Variants in SYT1 observed in about 807,000 individuals in gnomAD.
SYT1 encodes synaptotagmin-1.
Under a neutral mutation model 44.8 loss-of-function variants are expected in SYT1, and 8 were observed. The observed-to-expected ratio is 0.18, with a 90% confidence interval of 0.10 to 0.32. The LOEUF (loss-of-function observed/expected upper bound fraction) is 0.32, where lower values mean the gene tolerates loss of function less well. SYT1 is among the 10% of genes least tolerant of loss of function. The probability of loss-of-function intolerance (pLI) is 1.00; values close to 1 mark genes in which losing one functional copy is unlikely to be tolerated. For missense variants in SYT1, 286 were observed against 509.3 expected, an observed-to-expected ratio of 0.56 and a Z score of 4.22; for synonymous variants, 154 against 188.8, an observed-to-expected ratio of 0.82 and a Z score of 1.51.
At chr12:79,347,175 A>G (rs956290232) in intron 8 of SYT1, among the ~76,000 whole-genome samples, 1 of 152,002 alleles carries the variant, frequency 6.6e-6, no homozygotes, top group African/African-American at 2.4e-5. Flanking sequence ...AATATAGCTC[A>G]CAGAGAAATA....
intron 9 of SYT1, among the ~76,000 whole-genome samples, chr12:79,417,585 C>G (rs1868826441): frequency 6.6e-6 from 1 of 152,162 alleles, no homozygotes; most frequent in Non-Finnish European, 1.5e-5. Flanking sequence ...TAATTAGCTT[C>G]TCACTACCTT....
At chr12:78,965,646 C>T (rs893494041) in intron 1 of SYT1, among the ~76,000 whole-genome samples, 23 of 152,094 alleles carry the variant, frequency 1.5e-4, no homozygotes, top group African/African-American at 5.6e-4. Flanking sequence ...GGGGCTCAGC[C>T]ACTTGCCAAC....
At chr12:79,098,627 T>C (rs2138038813) in intron 3 of SYT1, among the ~76,000 whole-genome samples, 1 of 152,256 alleles carries the variant, frequency 6.6e-6, no homozygotes, top group South Asian at 2.1e-4. Flanking sequence ...AAACATTTAA[T>C]GTTCTGGTTA....
At chr12:79,430,796 C>A (rs1869732476) in intron 9 of SYT1, among the ~76,000 whole-genome samples, 1 of 152,102 alleles carries the variant, frequency 6.6e-6, no homozygotes, top group African/African-American at 2.4e-5. Flanking sequence ...CAAGACTAAA[C>A]AAAACAACAA....
intron 3 of SYT1, among the ~76,000 whole-genome samples, chr12:79,197,811 C>T (rs1873551817): frequency 6.6e-6 from 1 of 152,044 alleles, no homozygotes. Flanking sequence ...CAGAAATGTT[C>T]TAGAGTGACT....
At chr12:79,248,176 T>C (rs1245818) in intron 4 of SYT1, among the ~76,000 whole-genome samples, 117,145 of 152,146 alleles carry the variant, frequency 0.77, 46,116 homozygotes, top group African/African-American at 0.94. Flanking sequence ...GAAAAAAATA[T>C]TTTAAGTGAA....
intron 3 of SYT1, among the ~76,000 whole-genome samples, chr12:79,168,965 T>A (rs1167674366): frequency 6.6e-6 from 1 of 151,996 alleles, no homozygotes; most frequent in Admixed American, 6.6e-5. Context: ...TGAGCAGCAA[T>A]TTTCCCTGTT....
chr12:78,939,233 A>T (rs1290344998), intron 1 of SYT1, among the ~76,000 whole-genome samples: 3 of 152,200 alleles, frequency 2.0e-5, no homozygotes, highest in Non-Finnish European at 2.9e-5. Context: ...GCAAATGTGG[A>T]CTATGAGTTA....
At chr12:79,179,239 T>TATAGATATAGATAC in intron 3 of SYT1, among the ~76,000 whole-genome samples, 1 of 73,184 alleles carries the variant, frequency 1.4e-5, no homozygotes, top group Non-Finnish European at 2.0e-5. Context: ...GATATAGATA[T>TATAGATATAGATAC]ATAGATATAG....
chr12:78,933,144 A>G (rs1877848270), intron 1 of SYT1, among the ~76,000 whole-genome samples: 1 of 152,160 alleles, frequency 6.6e-6, no homozygotes, highest in Non-Finnish European at 1.5e-5. Context: ...TATCTAGGGC[A>G]TAGATATTTC....
At chr12:79,095,018 C>G (rs1412068359) in intron 3 of SYT1, among the ~76,000 whole-genome samples, 2 of 151,938 alleles carry the variant, frequency 1.3e-5, no homozygotes, top group Non-Finnish European at 2.9e-5. Flanking sequence ...TTGTGGGTCT[C>G]TCAACCTTTT....
chr12:79,337,450 T>G (rs1175201788), intron 8 of SYT1, among the ~76,000 whole-genome samples: 1 of 152,236 alleles, frequency 6.6e-6, no homozygotes, highest in Non-Finnish European at 1.5e-5. Context: ...TTCTGAGCTT[T>G]CTGCATCAAG....
intron 9 of SYT1, among the ~76,000 whole-genome samples, chr12:79,420,798 G>A (rs1869062086): frequency 6.6e-6 from 1 of 152,036 alleles, no homozygotes; most frequent in African/African-American, 2.4e-5. Flanking sequence ...AAAAAGTATT[G>A]CAAAGTGGTA....
intron 3 of SYT1, among the ~76,000 whole-genome samples, chr12:79,081,496 A>G (rs556220078): frequency 6.6e-6 from 1 of 151,348 alleles, no homozygotes; most frequent in South Asian, 2.1e-4. Context: ...CTCCTGCCTC[A>G]GCCTCCCAAG....
intron 1 of SYT1, among the ~76,000 whole-genome samples, chr12:78,876,433 CTGA>C (rs1415651809): frequency 3.2e-4 from 43 of 133,744 alleles, no homozygotes; most frequent in Non-Finnish European, 2.7e-4. Flanking sequence ...ACATTATATT[CTGA>C]TAATAACATG....
At chr12:79,441,948 A>G (rs1482195663) in intron 9 of SYT1, among the ~76,000 whole-genome samples, 10 of 152,118 alleles carry the variant, frequency 6.6e-5, no homozygotes, top group Admixed American at 4.6e-4. Flanking sequence ...AAATTACCCT[A>G]TTCTCCCCAA....
intron 9 of SYT1, among the ~76,000 whole-genome samples, chr12:79,375,423 G>A (rs576273027): frequency 7.9e-5 from 12 of 152,268 alleles, no homozygotes; most frequent in African/African-American, 2.9e-4. Flanking sequence ...GAGAGGCAGA[G>A]CCCAGTCAGG....
intron 3 of SYT1, among the ~76,000 whole-genome samples, chr12:79,068,408 A>G (rs1369231919): frequency 6.6e-6 from 1 of 152,156 alleles, no homozygotes; most frequent in African/African-American, 2.4e-5. Flanking sequence ...TAAAGAATTA[A>G]TTATAATTGG....
intron 2 of SYT1, among the ~76,000 whole-genome samples, chr12:79,014,135 A>C (rs1052949636): frequency 6.9e-6 from 1 of 145,022 alleles, no homozygotes; most frequent in Admixed American, 6.7e-5. Flanking sequence ...AAAAAAAAAA[A>C]AAAGAAAAAA....
Sources: gnomAD v4.1 joint callset for allele counts (sites outside exome capture counted in the v4.1 genomes callset) on GRCh38, gnomAD v4.1.1 for gene constraint, MANE v1.5 for transcripts, NCBI Gene and HGNC (gene_info 2026-07-23, HGNC 2026-07-21) for gene names.